CSMD1: variants seen among roughly 807,000 people sequenced by gnomAD.
CSMD1 encodes the protein CUB and sushi domain-containing protein 1.
A neutral mutation model predicts 417.5 loss-of-function variants in CSMD1; 213 were observed. That is an observed-to-expected ratio of 0.51 (90% confidence interval 0.46 to 0.57). The LOEUF (loss-of-function observed/expected upper bound fraction) is 0.57. CSMD1 is among the 20% of genes least tolerant of loss of function. The pLI, the probability that CSMD1 is intolerant of heterozygous loss-of-function variation, is 0.00. For synonymous variants in CSMD1, 2,862 were observed against 1,736.8 expected (o/e 1.65, Z -16.11); for missense variants, 6,923 against 4,529.7 (o/e 1.53, Z -15.17).
intron 1 of CSMD1, among the ~76,000 whole-genome samples, chr8:4,657,120 T>C (rs1386456320): frequency 1.3e-5 from 2 of 152,040 alleles, no homozygotes; most frequent in Non-Finnish European, 2.9e-5. Context: ...TATAAAAGCA[T>C]CCAAAACATC....
At chr8:4,850,133 C>T (rs139862456) in intron 1 of CSMD1, among the ~76,000 whole-genome samples, 154 of 152,170 alleles carry the variant, frequency 1.0e-3, no homozygotes, top group African/African-American at 3.1e-3. Flanking sequence ...TGCCTAATAA[C>T]GTCAAAAATC....
Position 3,831,436 on chromosome 8 carries a change from A to G in CSMD1, c.819-77394T>C, listed in dbSNP as rs562748498. On this transcript the variant is annotated intron_variant, in intron 5 of 69. Coordinates refer to ENST00000635120, the MANE Select transcript of CSMD1 (RefSeq NM_033225.6). ...ATGACCAAAGCTATATTAAAATTCCATAAGGAAACATCCAGGAGATTCCTT... is the reference window on the plus strand; with the variant it reads ...ATGACCAAAGCTATATTAAAATTCCGTAAGGAAACATCCAGGAGATTCCTT... Among the ~76,000 whole-genome samples, 15 of 152,266 alleles carry G rather than the reference A, an allele frequency of 9.9e-5. No individual in the cohort carries two copies. In the South Asian group the frequency reaches 3.1e-3, roughly 32 times the overall value.
At chr8:4,904,953 C>T (rs543988754) in intron 1 of CSMD1, among the ~76,000 whole-genome samples, 1 of 152,100 alleles carries the variant, frequency 6.6e-6, no homozygotes, top group African/African-American at 2.4e-5. Flanking sequence ...GGACAAGGGA[C>T]CATGCCGCCG....
intron 3 of CSMD1, among the ~76,000 whole-genome samples, chr8:4,194,619 T>A (rs1799223483): frequency 6.6e-6 from 1 of 152,142 alleles, no homozygotes; most frequent in Non-Finnish European, 1.5e-5. Context: ...AACAGAGTAA[T>A]CATACATCTC....
At chr8:3,652,483 C>T (rs141992563) in intron 7 of CSMD1, among the ~76,000 whole-genome samples, 5 of 152,208 alleles carry the variant, frequency 3.3e-5, no homozygotes, top group Non-Finnish European at 7.3e-5. Flanking sequence ...ATACCTGAGA[C>T]TGGGTATTTT....
chr8:3,460,203 G>A (rs1816406659), intron 12 of CSMD1, among the ~76,000 whole-genome samples: 1 of 152,152 alleles, frequency 6.6e-6, no homozygotes, highest in Non-Finnish European at 1.5e-5. Context: ...TAAACTCTGA[G>A]ATGAGACGGG....
intron 18 of CSMD1, among the ~76,000 whole-genome samples, chr8:3,386,925 A>C (rs1811039246): frequency 6.6e-6 from 1 of 152,200 alleles, no homozygotes; most frequent in East Asian, 1.9e-4. Flanking sequence ...CAATACAATA[A>C]CACAAAATAA....
chr8:4,229,984 A>C (rs1478073082), intron 3 of CSMD1, among the ~76,000 whole-genome samples: 2 of 152,310 alleles, frequency 1.3e-5, no homozygotes, highest in African/African-American at 2.4e-5. Context: ...ACATTATAAC[A>C]CTTAAGTCTG....
intron 49 of CSMD1, among the ~76,000 whole-genome samples, chr8:3,074,108 C>T (rs954366467): frequency 3.3e-5 from 5 of 152,192 alleles, no homozygotes; most frequent in Admixed American, 1.3e-4. Context: ...GGCAGAAATA[C>T]GTTTCTTGCA....
In CSMD1 at chr8:4,108,769, G is replaced by A. The variant is rs568990394; in HGVS notation, c.416-76670C>T. On this transcript the variant is annotated intron_variant, in intron 3 of 69. Transcript: ENST00000635120. ...ATTTAGTTTCTAGGCAGCTCATTAAGATCTGAAATATCTTGATTCTAAAGC... is the reference window on the plus strand; with the variant it reads ...ATTTAGTTTCTAGGCAGCTCATTAAAATCTGAAATATCTTGATTCTAAAGC... Among the ~76,000 whole-genome samples, 9 of 151,764 alleles carry A rather than the reference G, an allele frequency of 5.9e-5. 1 individual carries two copies. The highest frequency in any genetic ancestry group is 1.7e-4 in the African/African-American group (7 of 41,560).
chr8:4,047,438 T>C (rs963073901), intron 3 of CSMD1, among the ~76,000 whole-genome samples: 1 of 152,182 alleles, frequency 6.6e-6, no homozygotes, highest in Non-Finnish European at 1.5e-5. Context: ...ATGGCATTTT[T>C]CCCAGGGAAT....
intron 37 of CSMD1, 110 bp from the exon 38 acceptor site, chr8:3,162,387 G>C (rs1819953224): frequency 1.4e-6 from 1 of 707,714 alleles, no homozygotes; most frequent in African/African-American, 1.8e-5. Context: ...AATGAACAAA[G>C]ACTTCAACTC....
At chr8:3,804,309 T>C (rs1403044277) in intron 5 of CSMD1, among the ~76,000 whole-genome samples, 2 of 152,162 alleles carry the variant, frequency 1.3e-5, no homozygotes, top group Non-Finnish European at 2.9e-5. Flanking sequence ...ATTTTTTTTG[T>C]GCTGAGACCA....
At chr8:4,088,325 A>C (rs1253906766) in intron 3 of CSMD1, among the ~76,000 whole-genome samples, 33 of 152,188 alleles carry the variant, frequency 2.2e-4, no homozygotes, top group Admixed American at 2.2e-3. Flanking sequence ...TTCACTTTTG[A>C]TTTACCATAC....
At chr8:4,033,220 C>T (rs574216006) in intron 3 of CSMD1, among the ~76,000 whole-genome samples, 66 of 149,390 alleles carry the variant, frequency 4.4e-4, no homozygotes, top group African/African-American at 1.5e-3. Flanking sequence ...GCAGGAGGAT[C>T]GTGAGGTCAA....
chr8:3,232,805 A>T (rs1236603950), intron 26 of CSMD1, among the ~76,000 whole-genome samples: 1 of 151,180 alleles, frequency 6.6e-6, no homozygotes, highest in Non-Finnish European at 1.5e-5. Context: ...ATACTAATTA[A>T]TTTTTTCTCG....
intron 2 of CSMD1, among the ~76,000 whole-genome samples, chr8:4,431,674 G>A (rs1162704884): frequency 1.3e-5 from 2 of 152,110 alleles, no homozygotes; most frequent in South Asian, 2.1e-4. Context: ...AAAGATAGAG[G>A]AATGAAACAA....
At chr8:3,363,027 C>T (rs1382523946) in intron 20 of CSMD1, among the ~76,000 whole-genome samples, 1 of 152,218 alleles carries the variant, frequency 6.6e-6, no homozygotes, top group Non-Finnish European at 1.5e-5. Context: ...TATCTGCCCT[C>T]CATAACTAAC....
chr8:4,187,544 TCAGGTAG>T (rs1798755994), intron 3 of CSMD1, among the ~76,000 whole-genome samples: 1 of 151,956 alleles, frequency 6.6e-6, no homozygotes, highest in Non-Finnish European at 1.5e-5. Context: ...CTTGGGAGAC[TCAGGTAG>T]GAGAATCGCC....
Sources: allele counts gnomAD v4.1 joint callset (sites outside exome capture counted in the v4.1 genomes callset), GRCh38; gene constraint gnomAD v4.1.1; transcripts MANE v1.5; gene names NCBI Gene and HGNC (gene_info 2026-07-23, HGNC 2026-07-21).